The following DMD variants were observed in gnomAD, a reference collection of about 807,000 sequenced individuals.
DMD encodes dystrophin.
Under a neutral mutation model 330.1 loss-of-function variants are expected in DMD, and 63 were observed. That is an observed-to-expected ratio of 0.19 (90% CI 0.16 to 0.24). The LOEUF is 0.24. DMD is among the 10% of genes least tolerant of loss of function. The probability of loss-of-function intolerance (pLI) is 1.00; values close to 1 mark genes in which losing one functional copy is unlikely to be tolerated. For missense variants in DMD, 3,344 were observed against 2,684.1 expected, an observed-to-expected ratio of 1.25 and a Z score of -5.43; for synonymous variants, 1,223 against 959.8, an observed-to-expected ratio of 1.27 and a Z score of -5.07.
chrX:32,800,606 G>A (rs959195995), intron 7 of DMD, among the ~76,000 whole-genome samples: 16 of 111,005 alleles, frequency 1.4e-4, no homozygotes, highest in Admixed American at 1.3e-3. Flanking sequence ...TGTGCAGAAC[G>A]TGCAGGTTTG....
intron 60 of DMD, among the ~76,000 whole-genome samples, chrX:31,442,583 T>G (rs2065024332): frequency 1.8e-5 from 2 of 110,999 alleles, no homozygotes; most frequent in Non-Finnish European, 3.8e-5. Flanking sequence ...CATAATCCTT[T>G]GACCTCATTT....
At chrX:33,113,491 G>A (rs141434918) in intron 1 of DMD, among the ~76,000 whole-genome samples, 2,954 of 111,802 alleles carry the variant, frequency 0.026, 104 homozygotes, top group African/African-American at 0.091. Context: ...AATTTCAAAC[G>A]AATAAGAAAC....
intron 1 of DMD, among the ~76,000 whole-genome samples, chrX:33,273,508 T>G (rs889096137): frequency 8.9e-6 from 1 of 112,372 alleles, no homozygotes; most frequent in African/African-American, 3.2e-5. Flanking sequence ...TATTCCTGCA[T>G]CTCTAACTAA....
intron 21 of DMD, among the ~76,000 whole-genome samples, chrX:32,478,134 TA>T (rs1232183795): frequency 9.0e-6 from 1 of 111,450 alleles, no homozygotes; most frequent in African/African-American, 3.3e-5. Flanking sequence ...GTAATCCATT[TA>T]GGGGGAGAAA....
At chrX:31,817,648 C>T (rs1193423738) in intron 50 of DMD, among the ~76,000 whole-genome samples, 2 of 111,362 alleles carry the variant, frequency 1.8e-5, no homozygotes, top group African/African-American at 6.5e-5. Flanking sequence ...GAGCTGAGGG[C>T]ATTCCCAGAC....
chrX:32,798,622 T>C (rs1354527997), intron 7 of DMD, among the ~76,000 whole-genome samples: 1 of 110,949 alleles, frequency 9.0e-6, no homozygotes, highest in Non-Finnish European at 1.9e-5. Context: ...AAATATTTTC[T>C]TAAATATTTT....
intron 62 of DMD, among the ~76,000 whole-genome samples, chrX:31,307,169 T>C (rs1243266707): frequency 9.0e-6 from 1 of 111,623 alleles, no homozygotes; most frequent in East Asian, 2.8e-4. Context: ...TGATATACCC[T>C]GAGTTATAGT....
intron 11 of DMD, among the ~76,000 whole-genome samples, chrX:32,629,884 C>T (rs1366439352): frequency 1.8e-5 from 2 of 109,463 alleles, no homozygotes; most frequent in Non-Finnish European, 3.8e-5. Context: ...GTGTCTATGT[C>T]TTGAAAAGTT....
At chrX:31,285,643 T>G (rs1183931644) in intron 62 of DMD, among the ~76,000 whole-genome samples, 2 of 111,614 alleles carry the variant, frequency 1.8e-5, no homozygotes, top group Non-Finnish European at 3.8e-5. Flanking sequence ...AAATTAGAAC[T>G]TTATCCTTAG....
chrX:32,470,795 T>A (rs2040549099), intron 22 of DMD, among the ~76,000 whole-genome samples: 1 of 112,034 alleles, frequency 8.9e-6, no homozygotes, highest in Admixed American at 9.5e-5. Flanking sequence ...TGTATTTTTC[T>A]TTGAATACAT....
intron 1 of DMD, among the ~76,000 whole-genome samples, chrX:33,249,420 G>C (rs954398322): frequency 2.7e-5 from 3 of 111,947 alleles, no homozygotes; most frequent in African/African-American, 9.7e-5. Context: ...CAAAGTGCTG[G>C]TATTACAGGC....
At chrX:32,173,871 T>A (rs1435963579) in intron 44 of DMD, among the ~76,000 whole-genome samples, 1 of 111,794 alleles carries the variant, frequency 8.9e-6, no homozygotes, top group Admixed American at 9.6e-5. Flanking sequence ...TTATATGATA[T>A]ACCATAAGAG....
chrX:32,719,322 T>C (rs1268221020), intron 7 of DMD, among the ~76,000 whole-genome samples: 1 of 112,256 alleles, frequency 8.9e-6, no homozygotes, highest in Non-Finnish European at 1.9e-5. Flanking sequence ...TCTAGAGGTT[T>C]ACATGAACCA....
chrX:32,068,221 A>G (rs1483261957), intron 44 of DMD, among the ~76,000 whole-genome samples: 1 of 110,473 alleles, frequency 9.1e-6, no homozygotes, highest in East Asian at 2.9e-4. Context: ...TGTTTGTTCA[A>G]TTGTTTAGGT....
At chrX:31,830,612 C>G (rs188985656) in intron 49 of DMD, among the ~76,000 whole-genome samples, 3 of 111,669 alleles carry the variant, frequency 2.7e-5, no homozygotes, top group South Asian at 3.7e-4. Flanking sequence ...AACAAACAAC[C>G]AAAATCATAT....
intron 37 of DMD, among the ~76,000 whole-genome samples, chrX:32,354,777 T>A (rs2097793381): frequency 9.0e-6 from 1 of 111,243 alleles, no homozygotes; most frequent in African/African-American, 3.3e-5. Flanking sequence ...CCCAGTAGAT[T>A]TCAATTGATT....
chrX:31,762,229 A>C (rs950774099), intron 51 of DMD, among the ~76,000 whole-genome samples: 9 of 112,036 alleles, frequency 8.0e-5, no homozygotes, highest in African/African-American at 2.6e-4. Flanking sequence ...TCCATTTTAA[A>C]GTACAGACAT....
chrX:32,407,449 C>T (rs1403171958), intron 30 of DMD, among the ~76,000 whole-genome samples: 3 of 111,140 alleles, frequency 2.7e-5, no homozygotes, highest in African/African-American at 6.5e-5. Context: ...GTTAGAATGG[C>T]GATCATTAAA....
At chrX:33,008,954 A>C (rs779807746) in intron 2 of DMD, among the ~76,000 whole-genome samples, 1 of 98,412 alleles carries the variant, frequency 1.0e-5, no homozygotes, top group Non-Finnish European at 2.1e-5. Context: ...ATATATACGT[A>C]TATATACATA....
Sources: gnomAD v4.1 joint callset for allele counts (sites outside exome capture counted in the v4.1 genomes callset) on GRCh38, gnomAD v4.1.1 for gene constraint, MANE v1.5 for transcripts, NCBI Gene and HGNC (gene_info 2026-07-23, HGNC 2026-07-21) for gene names.